PLVAP: variants seen among roughly 807,000 people sequenced by gnomAD.
PLVAP encodes plasmalemma vesicle-associated protein.
In PLVAP, 34 loss-of-function variants were observed where a neutral mutation model predicts 43.1. The observed-to-expected ratio is 0.79, with a 90% CI of 0.60 to 1.05. The LOEUF (loss-of-function observed/expected upper bound fraction) is 1.05. PLVAP is among the 50% of genes least tolerant of loss of function. The pLI, the probability that PLVAP is intolerant of heterozygous loss-of-function variation, is 0.00. For synonymous variants in PLVAP, 241 were observed against 237.3 expected, an observed-to-expected ratio of 1.02 and a Z score of -0.14; for missense variants, 574 against 593.4, an observed-to-expected ratio of 0.97 and a Z score of 0.34.
intron 1 of PLVAP, among the ~76,000 whole-genome samples, chr19:17,367,389 A>AT (rs34624440): frequency 0.48 from 68,398 of 143,756 alleles, 16,193 homozygotes; most frequent in African/African-American, 0.57. Flanking sequence ...TGATTTTTAA[A>AT]TTTTTTTTTT....
chr19:17,360,691 G>A, intron 4 of PLVAP, 81 bp downstream of exon 4: 1 of 1,578,608 alleles, frequency 6.3e-7, no homozygotes, highest in Non-Finnish European at 8.7e-7. Context: ...GCAGCCCAGG[G>A]GAGTGGGAAA....
chr19:17,364,764 C>CTTTTTTTT (rs71162109), intron 3 of PLVAP, among the ~76,000 whole-genome samples: 1 of 87,310 alleles, frequency 1.1e-5, no homozygotes, highest in Non-Finnish European at 2.1e-5. Flanking sequence ...TAATTCCAGT[C>CTTTTTTTT]TTTTTTTTTT....
chr19:17,363,843 C>G (rs1300101153), intron 3 of PLVAP, among the ~76,000 whole-genome samples: 2 of 147,380 alleles, frequency 1.4e-5, no homozygotes, highest in East Asian at 4.1e-4. Context: ...CCCGGGTTCA[C>G]GCCATTCTCC....
In PLVAP at chr19:17,372,487, C is replaced by T. The variant is rs552152821; in HGVS notation, c.369+4433G>A. ...TTATTTATTTTTTGAGACGGAGTCT[C>T]GCTCTGTCGCCCAGGCTGGAGTGCA... On this transcript the variant is annotated intron_variant, in intron 1 of 5. Transcript: ENST00000252590. 7.1e-3 allele frequency among the ~76,000 whole-genome samples: 1,066 copies of T among 149,846 alleles called. 7 individuals carry two copies. The highest frequency in any genetic ancestry group is 0.012 in the Non-Finnish European group (836 of 67,494).
rs45583532 is a variant in PLVAP, at chr19:17,366,256, C to T, written c.370-61G>A. 2.6e-3 allele frequency: 4,101 copies of T among 1,554,474 alleles called. 14 individuals are homozygous for T. Among genetic ancestry groups the T allele is most frequent in the Middle Eastern group, 4.9e-3 (29 of 5,906 alleles). On this transcript the variant is annotated intron_variant, in intron 1 of 5. Coordinates refer to ENST00000252590, the MANE Select transcript of PLVAP (RefSeq NM_031310.3). ...CTTAGTGTCTTGCCCCCAGGACTGCCTGGACCCAGATCGAGCACCCTGGTG... is the reference window on the plus strand; with the variant it reads ...CTTAGTGTCTTGCCCCCAGGACTGCTTGGACCCAGATCGAGCACCCTGGTG...
intron 5 of PLVAP, among the ~76,000 whole-genome samples, chr19:17,355,896 ACTT>A (rs35951629): frequency 0.031 from 4,736 of 152,160 alleles, 150 homozygotes; most frequent in East Asian, 0.092. Flanking sequence ...CTCAGTCTCT[ACTT>A]CTTTTTTTGT....
intron 1 of PLVAP, among the ~76,000 whole-genome samples, chr19:17,369,679 T>C (rs898549619): frequency 2.0e-4 from 30 of 147,374 alleles, no homozygotes; most frequent in Admixed American, 8.8e-4. Context: ...AAATAAGATA[T>C]GCAAATGGCC....
intron 5 of PLVAP, among the ~76,000 whole-genome samples, chr19:17,353,546 AAC>A (rs2074494269): frequency 6.6e-6 from 1 of 151,804 alleles, no homozygotes; most frequent in African/African-American, 2.4e-5. Flanking sequence ...TCTTCCCTCA[AAC>A]ACACAAGGCA....
chr19:17,366,175 C>A lies in PLVAP; in HGVS notation c.390G>T (p.Gln130His). ...QGDRVIYTNN[Q>H]RYMAAIILSE... The stretch of plus-strand genomic sequence containing the variant: ...TCAAGATGATGGCAGCCATGTACCT[C>A]TGATTGTTCGTGTAGATGACCTGCC... Residue 130 changes from glutamine (Q) to histidine (H), a missense_variant, in exon 2 of 6, where the codon CAG (glutamine) becomes CAT (histidine). Gln to His is a conservative substitution (Grantham distance 24). Coordinates refer to ENST00000252590, the MANE Select transcript of PLVAP (RefSeq NM_031310.3). The A allele has an allele frequency of 1.2e-6, 2 of 1,614,150 alleles. No individual in the cohort carries two copies. The highest frequency in any genetic ancestry group is 1.7e-6 in the Non-Finnish European group (2 of 1,180,022).
chr19:17,373,257 G>A (rs1163047774), intron 1 of PLVAP, among the ~76,000 whole-genome samples: 2 of 151,766 alleles, frequency 1.3e-5, no homozygotes, highest in Non-Finnish European at 2.9e-5. Context: ...GGGGGGCTGA[G>A]GTGAGACCTA....
intron 5 of PLVAP, 102 bp downstream of exon 5, chr19:17,360,426 G>T (rs1221349283): frequency 1.3e-5 from 16 of 1,265,278 alleles, no homozygotes; most frequent in African/African-American, 2.9e-5. Context: ...CTCAATTAAG[G>T]AAGAAGCAAG....
chr19:17,361,059 C>G, intron 3 of PLVAP: 1 of 496,244 alleles, frequency 2.0e-6, no homozygotes, highest in East Asian at 3.5e-5. Flanking sequence ...GGACTACAGT[C>G]ACACACCACC....
chr19:17,360,937 G>C, intron 3 of PLVAP, 105 bp from the exon 4 acceptor site: 1 of 995,004 alleles, frequency 1.0e-6, no homozygotes, highest in East Asian at 2.6e-5. Context: ...TTTTTGAGAC[G>C]GAGTTTCGCT....
chr19:17,359,709 T>G (rs1380640383), intron 5 of PLVAP, among the ~76,000 whole-genome samples: 1 of 132,788 alleles, frequency 7.5e-6, no homozygotes, highest in African/African-American at 3.3e-5. Flanking sequence ...TTTTTTTTTT[T>G]TCTGACACAG....
intron 1 of PLVAP, among the ~76,000 whole-genome samples, chr19:17,373,255 G>A (rs566590756): frequency 6.6e-6 from 1 of 152,000 alleles, no homozygotes; most frequent in East Asian, 1.9e-4. Context: ...TTGGGGGGCT[G>A]AGGTGAGACC....
intron 5 of PLVAP, among the ~76,000 whole-genome samples, chr19:17,356,635 C>T (rs1476442411): frequency 6.6e-6 from 1 of 151,552 alleles, no homozygotes; most frequent in Non-Finnish European, 1.5e-5. Context: ...CACTTTGTCC[C>T]ACTAAACTGA....
intron 1 of PLVAP, among the ~76,000 whole-genome samples, chr19:17,372,613 C>A (rs1374311482): frequency 4.7e-5 from 7 of 149,520 alleles, no homozygotes; most frequent in Non-Finnish European, 1.0e-4. Flanking sequence ...CCCACCACCA[C>A]ACCTGGCTAA....
chr19:17,377,160 G>A lies in PLVAP; in HGVS notation c.129C>T (p.Leu43=), dbSNP rs376602069. 6.8e-5 allele frequency: 110 copies of A among 1,614,004 alleles called. 1 individual carries two copies. Among genetic ancestry groups the A allele is most frequent in the South Asian group, 2.2e-5 (2 of 91,074 alleles). ...CGTTGCCATAGACCATGAAGAGCAC[G>A]AGCCCCAGGATGATGAGGAATTGGA... is the stretch of plus-strand genomic sequence containing the variant. ...SLIQFLIILG[L]VLFMVYGNVH... The change falls in exon 1 of 6, where the codon CTC becomes CTT. Residue 43 remains leucine (L), a synonymous_variant. Transcript: ENST00000252590.
At chr19:17,355,077 C>T (rs1400471973) in intron 5 of PLVAP, among the ~76,000 whole-genome samples, 1 of 148,128 alleles carries the variant, frequency 6.8e-6, no homozygotes, top group African/African-American at 2.5e-5. Flanking sequence ...CAAAAAAAAT[C>T]ACCCAGGCTG....
Sources: gnomAD v4.1 joint callset for allele counts (sites outside exome capture counted in the v4.1 genomes callset) on GRCh38, gnomAD v4.1.1 for gene constraint, MANE v1.5 for transcripts, NCBI Gene and HGNC (gene_info 2026-07-23, HGNC 2026-07-21) for gene names.